The following CELF4 variants were observed in gnomAD, a reference collection of about 807,000 sequenced individuals.
The protein encoded by CELF4 is CUG-BP- and ETR-3-like factor 4.
In CELF4, 18 loss-of-function variants were observed where a neutral mutation model predicts 59.9. The observed-to-expected ratio is 0.30, with a 90% CI of 0.21 to 0.45. The LOEUF (loss-of-function observed/expected upper bound fraction) is 0.45. Ranked by LOEUF, CELF4 falls within the 20% of genes least tolerant of loss-of-function variation. CELF4 has a pLI of 1.00. For synonymous variants in CELF4, 261 were observed against 267.1 expected, an observed-to-expected ratio of 0.98 and a Z score of 0.22; for missense variants, 456 against 689.0, an observed-to-expected ratio of 0.66 and a Z score of 3.79.
chr18:37,302,859 C>A (rs2096153359), intron 3 of CELF4, among the ~76,000 whole-genome samples: 1 of 152,160 alleles, frequency 6.6e-6, no homozygotes, highest in Non-Finnish European at 1.5e-5. Context: ...GCTTCCTAGT[C>A]CACTTTTTCC....
At chr18:37,504,663 G>C (rs1004181867) in intron 1 of CELF4, among the ~76,000 whole-genome samples, 6 of 152,132 alleles carry the variant, frequency 3.9e-5, no homozygotes, top group African/African-American at 1.4e-4. Flanking sequence ...TAATCAGAGA[G>C]TACCAGTCAC....
chr18:37,363,784 G>A (rs1312768433), intron 2 of CELF4, among the ~76,000 whole-genome samples: 1 of 152,158 alleles, frequency 6.6e-6, no homozygotes, highest in Non-Finnish European at 1.5e-5. Context: ...ACAGTGCCTG[G>A]TCCCCTTTAT....
chr18:37,364,696 A>C (rs2098753330), intron 2 of CELF4, among the ~76,000 whole-genome samples: 1 of 152,234 alleles, frequency 6.6e-6, no homozygotes, highest in Non-Finnish European at 1.5e-5. Flanking sequence ...AGAACTGAGA[A>C]TTAGGAAGAG....
chr18:37,396,182 C>T (rs1489503111), intron 2 of CELF4, among the ~76,000 whole-genome samples: 5 of 152,200 alleles, frequency 3.3e-5, no homozygotes, highest in Admixed American at 6.5e-5. Context: ...TCTCTCAGGA[C>T]TCAGCAAAGA....
At chr18:37,469,618 C>T (rs1398852751) in intron 2 of CELF4, among the ~76,000 whole-genome samples, 2 of 152,160 alleles carry the variant, frequency 1.3e-5, no homozygotes, top group Admixed American at 1.3e-4. Context: ...ATCGCATTAG[C>T]TCAGTTTATC....
At chr18:37,535,694 A>G (rs1267184630) in intron 1 of CELF4, among the ~76,000 whole-genome samples, 1 of 152,194 alleles carries the variant, frequency 6.6e-6, no homozygotes, top group African/African-American at 2.4e-5. Flanking sequence ...ACGGGATTCA[A>G]GCCAGCCCTG....
rs549667464 is a variant in CELF4, at chr18:37,245,758, G to A, written c.*45-561C>T. ...TATTTGCGAGGCTGTGTATATATAT[G>A]TATATCTGGATATATGTGTAGAATA... is the stretch of plus-strand genomic sequence containing the variant. On this transcript the variant is annotated intron_variant, in intron 12 of 12. Transcript: ENST00000420428. This position sits in a 1 kb window ranked among gnomAD's most constrained non-coding sequence, Gnocchi z 4.1. 1.3e-5 allele frequency among the ~76,000 whole-genome samples: 2 copies of A among 152,206 alleles called. No homozygotes were observed. Among genetic ancestry groups the A allele is most frequent in the South Asian group, 4.1e-4 (2 of 4,824 alleles).
chr18:37,508,784 G>A (rs933853127), intron 1 of CELF4, among the ~76,000 whole-genome samples: 6 of 152,212 alleles, frequency 3.9e-5, no homozygotes, highest in Admixed American at 3.3e-4. Flanking sequence ...GGAAGCAGGA[G>A]GGGTGGTGGA....
At chr18:37,372,639 A>C (rs180787048) in intron 2 of CELF4, among the ~76,000 whole-genome samples, 1 of 152,338 alleles carries the variant, frequency 6.6e-6, no homozygotes, top group East Asian at 1.9e-4. Flanking sequence ...AATAATAAAA[A>C]AACAAGAAAT....
At chr18:37,523,695 C>G (rs1024107704) in intron 1 of CELF4, among the ~76,000 whole-genome samples, 8 of 152,230 alleles carry the variant, frequency 5.3e-5, no homozygotes, top group African/African-American at 1.9e-4. Context: ...AGGAGCCCCA[C>G]TTACGGAGAT....
chr18:37,276,781 A>G (rs2093362647), intron 3 of CELF4, among the ~76,000 whole-genome samples: 1 of 152,228 alleles, frequency 6.6e-6, no homozygotes, highest in African/African-American at 2.4e-5. Context: ...ATGCAGCCAT[A>G]GGAACTGGAA....
At chr18:37,468,886 TCTC>T (rs1268656056) in intron 2 of CELF4, among the ~76,000 whole-genome samples, 2 of 152,240 alleles carry the variant, frequency 1.3e-5, no homozygotes, top group Non-Finnish European at 2.9e-5. Flanking sequence ...GATCCAATCA[TCTC>T]CTACTAGGTC....
At chr18:37,483,152 A>C (rs111570435) in intron 2 of CELF4, among the ~76,000 whole-genome samples, 4,195 of 152,128 alleles carry the variant, frequency 0.028, 188 homozygotes, top group African/African-American at 0.094. Context: ...CCGTCCCTGC[A>C]TTTGCTAGTG....
At chr18:37,248,202 A>G (rs2063259997) in intron 12 of CELF4, among the ~76,000 whole-genome samples, 1 of 152,130 alleles carries the variant, frequency 6.6e-6, no homozygotes, top group Admixed American at 6.5e-5. Context: ...TCAGAACCTG[A>G]GCAGGGTTCA....
intron 2 of CELF4, among the ~76,000 whole-genome samples, chr18:37,446,724 C>G (rs1181405937): frequency 6.6e-6 from 1 of 152,112 alleles, no homozygotes; most frequent in Non-Finnish European, 1.5e-5. Flanking sequence ...TTCTCCTGAG[C>G]TCCCTCTCTC....
chr18:37,557,116 G>T (rs772815297), intron 1 of CELF4, among the ~76,000 whole-genome samples: 17 of 152,228 alleles, frequency 1.1e-4, no homozygotes, highest in Non-Finnish European at 2.5e-4. Flanking sequence ...CAGTAGCACA[G>T]GTGCTCAAGA....
chr18:37,356,270 A>G (rs1177754411), intron 2 of CELF4, among the ~76,000 whole-genome samples: 3 of 152,278 alleles, frequency 2.0e-5, no homozygotes, highest in Non-Finnish European at 4.4e-5. Context: ...AATGAAAAAC[A>G]GTGAACATAA....
chr18:37,321,538 G>A (rs565389744), intron 3 of CELF4, among the ~76,000 whole-genome samples: 58 of 152,206 alleles, frequency 3.8e-4, no homozygotes, highest in Non-Finnish European at 6.2e-4. Flanking sequence ...ATGGAGGGGA[G>A]AAGAATATCC....
chr18:37,293,021 G>A (rs1056283715), intron 3 of CELF4, among the ~76,000 whole-genome samples: 1 of 152,242 alleles, frequency 6.6e-6, no homozygotes, highest in Non-Finnish European at 1.5e-5. Context: ...AGTGGTTCAG[G>A]TGGATAGAAG....
Sources: allele counts gnomAD v4.1 joint callset (sites outside exome capture counted in the v4.1 genomes callset), GRCh38; gene constraint gnomAD v4.1.1; non-coding constraint Gnocchi (gnomAD v3.1); transcripts MANE v1.5; gene names NCBI Gene and HGNC (gene_info 2026-07-23, HGNC 2026-07-21).